The following TICRR variants were observed in gnomAD, a reference collection of about 807,000 sequenced individuals.
TICRR encodes the protein TOPBP1 interacting checkpoint and replication regulator.
A neutral mutation model predicts 178.1 loss-of-function variants in TICRR; 132 were observed. The observed-to-expected ratio is 0.74, with a 90% CI of 0.64 to 0.86. TICRR has a LOEUF of 0.86. Among genes scored for constraint, TICRR ranks in the 40% least tolerant of loss-of-function variants. The probability of loss-of-function intolerance (pLI) is 0.00; values close to 1 mark genes in which losing one functional copy is unlikely to be tolerated. For missense variants in TICRR, 2,587 were observed against 2,334.3 expected, an observed-to-expected ratio of 1.11 and a Z score of -2.23; for synonymous variants, 991 against 900.7, an observed-to-expected ratio of 1.10 and a Z score of -1.79.
chr15:89,617,326 T>C (rs1963350878), intron 16 of TICRR, among the ~76,000 whole-genome samples: 1 of 152,218 alleles, frequency 6.6e-6, no homozygotes, highest in East Asian at 1.9e-4. Flanking sequence ...CATATATATT[T>C]TTAATTAAAT....
chr15:89,586,748 A>T (rs1445205089), intron 4 of TICRR, among the ~76,000 whole-genome samples: 6 of 152,170 alleles, frequency 3.9e-5, no homozygotes, highest in Admixed American at 3.3e-4. Context: ...CAAGGCTCAG[A>T]AGGGTGTTAG....
rs748615904 is a variant in TICRR at position 89,624,092 on chromosome 15, C to G, written c.3782C>G (p.Pro1261Arg). 1 of 1,613,798 alleles carries G rather than the reference C, an allele frequency of 6.2e-7. No individual in the cohort carries two copies. Among genetic ancestry groups the G allele is most frequent in the East Asian group, 2.2e-5 (1 of 44,866 alleles). ...AGAGCAGCAGCCTTCATGGGCACGC[C>G]TCAGAATCAAACACACCAACAGCCC... ...PPRAAAFMGT[P>R]QNQTHQQPHV... is the part of the protein sequence containing the mutation. The change falls in exon 20 of 22, where the codon CCT (proline) becomes CGT (arginine). Residue 1261 changes from proline to arginine, a missense_variant. By Grantham distance (103) the Pro-to-Arg change is moderately radical. Transcript: ENST00000268138.
rs867683760 is a variant in TICRR at position 89,582,976 on chromosome 15, A to C, written c.934+11A>C. ...TTCTCCCTGTTGAAGGTAAGCAAATAATATTTTAAGGTTTTTTTTTTTTTA... is the reference window on the plus strand; with the variant it reads ...TTCTCCCTGTTGAAGGTAAGCAAATCATATTTTAAGGTTTTTTTTTTTTTA... On this transcript the variant is annotated intron_variant, in intron 2 of 21. Transcript: ENST00000268138. 13 of 1,584,298 alleles carry C rather than the reference A, an allele frequency of 8.2e-6. No individual in the cohort carries two copies. The highest frequency in any genetic ancestry group is 1.7e-4 in the Middle Eastern group (1 of 5,904).
intron 4 of TICRR, among the ~76,000 whole-genome samples, chr15:89,587,456 A>G (rs1202909462): frequency 3.3e-5 from 5 of 152,106 alleles, no homozygotes; most frequent in Non-Finnish European, 7.4e-5. Context: ...GGGAAAGAGA[A>G]GGGGACTAAG....
chr15:89,619,218 CTTCTTTT>C (rs1260099523), intron 17 of TICRR, among the ~76,000 whole-genome samples: 1 of 91,872 alleles, frequency 1.1e-5, no homozygotes, highest in African/African-American at 4.3e-5. Context: ...CTACACCATT[CTTCTTTT>C]TTTTTTTTTT....
chr15:89,618,507 C>G (rs1039343825), intron 17 of TICRR, among the ~76,000 whole-genome samples: 2 of 152,214 alleles, frequency 1.3e-5, no homozygotes, highest in East Asian at 3.8e-4. Context: ...TTTGTTGGAG[C>G]TTTTCACTAC....
chr15:89,625,623 T>C lies in TICRR; in HGVS notation c.5313T>C (p.Ser1771=). 1 of 1,613,310 alleles carries C rather than the reference T, an allele frequency of 6.2e-7. No homozygotes were observed. Among genetic ancestry groups the C allele is most frequent in the Non-Finnish European group, 8.5e-7 (1 of 1,179,998 alleles). Residue 1771 remains serine (S), a synonymous_variant, in exon 20 of 22, where the codon AGT becomes AGC. Transcript: ENST00000268138. ...CTTCCTGGGGACAGTTTGGGTTGAG[T>C]TCCAGGAAGAGAGTCCTGTTGGCCA... is the stretch of plus-strand genomic sequence containing the variant. ...EASSWGQFGL[S]SRKRVLLAKE...
chr15:89,601,217 A>G, intron 9 of TICRR, 81 bp from the exon 10 acceptor site: 1 of 1,242,490 alleles, frequency 8.0e-7, no homozygotes. Flanking sequence ...TGTCTTATAT[A>G]AATAGATCTA....
chr15:89,589,312 T>TG, intron 4 of TICRR, among the ~76,000 whole-genome samples: 2 of 152,170 alleles, frequency 1.3e-5, no homozygotes, highest in Middle Eastern at 6.8e-3. Context: ...CCTGTGAGTT[T>TG]GGGGGGTAAG....
At chr15:89,584,063 T>G (rs1962776623) in intron 2 of TICRR, among the ~76,000 whole-genome samples, 1 of 152,210 alleles carries the variant, frequency 6.6e-6, no homozygotes, top group Non-Finnish European at 1.5e-5. Context: ...GTAACTCCAT[T>G]TGTTTATAGC....
rs1962784802 is a variant in TICRR, at chr15:89,584,424, G to A, written c.1073G>A (p.Gly358Asp). 5 of 1,614,012 alleles carry A rather than the reference G, an allele frequency of 3.1e-6. No individual in the cohort carries two copies. The East Asian group carries it at 1.1e-4, about 36-fold the overall frequency. The change falls in exon 3 of 22, where the codon GGC (glycine) becomes GAC (aspartate). Residue 358 changes from glycine (G) to aspartate (D), a missense_variant. Transcript: ENST00000268138. Reference sequence around the variant, plus strand: ...TCTCTCCCAACGAGCAGCACTTTGGGCACTGACAGCTGGATGCTAGGAAGT... The same window carrying A: ...TCTCTCCCAACGAGCAGCACTTTGGACACTGACAGCTGGATGCTAGGAAGT... ...QWSLPTSSTL[G>D]TDSWMLGSPE...
In TICRR at chr15:89,606,950, A is replaced by G. The variant is rs1432188285; in HGVS notation, c.2722+125A>G. On this transcript the variant is annotated intron_variant, in intron 14 of 21. Coordinates refer to ENST00000268138, the MANE Select transcript of TICRR (RefSeq NM_152259.4). ...TTGTATGATTGTTGGCTAATAAAAT[A>G]TGTCCAAATACCATGGACATAGTCC... 4 of 700,828 alleles carry G rather than the reference A, an allele frequency of 5.7e-6. No homozygotes were observed. The East Asian group carries it at 1.1e-4, about 19-fold the overall frequency. 43.4% of individuals were successfully genotyped at this position (700,828 alleles called of 1,614,324 possible).
In TICRR at chr15:89,608,911, G is replaced by T. The variant is rs753276367; in HGVS notation, c.2831G>T (p.Gly944Val). Residue 944 changes from glycine (G) to valine (V), a missense_variant, in exon 15 of 22, where the codon GGT becomes GTT. By Grantham distance (109) the Gly-to-Val change is moderately radical (BLOSUM62 -3). Transcript: ENST00000268138. ...PRSHSVSAVDGLEDKLDNFKK... is the reference protein window; with the variant it reads ...PRSHSVSAVDVLEDKLDNFKK... ...AGCCATTCTGTGTCAGCTGTGGATG[G>T]TCTAGAGGATAAACTTGACAACTTC... 6.2e-7 allele frequency: 1 copy of T among 1,605,906 alleles called. No homozygotes were observed. Among genetic ancestry groups the T allele is most frequent in the Non-Finnish European group, 8.5e-7 (1 of 1,177,568 alleles).
chr15:89,598,728 G>A (rs142013977), intron 7 of TICRR, among the ~76,000 whole-genome samples: 199 of 152,240 alleles, frequency 1.3e-3, no homozygotes, highest in African/African-American at 4.4e-3. Flanking sequence ...TCACTTGGCT[G>A]GGCATGGTGG....
In TICRR at chr15:89,592,170, C is replaced by T. The variant is rs760985871; in HGVS notation, c.1535C>T (p.Ser512Leu). Reference sequence around the variant, plus strand: ...GGTGCCAGTTCCGATTTGATGGAGTCATTTGGGTAAAACGTTTTTATATCT... The same window carrying T: ...GGTGCCAGTTCCGATTTGATGGAGTTATTTGGGTAAAACGTTTTTATATCT... ...ISGASSDLME[S>L]FGLLQAASAN... is the part of the protein sequence containing the mutation. The change falls in exon 5 of 22, where the codon TCA becomes TTA. Residue 512 changes from serine to leucine, a missense_variant. Ser to Leu is a moderately radical substitution (Grantham distance 145). Coordinates refer to ENST00000268138, the MANE Select transcript of TICRR (RefSeq NM_152259.4). 2 of 1,610,754 alleles carry T rather than the reference C, an allele frequency of 1.2e-6. No individual in the cohort carries two copies. The highest frequency in any genetic ancestry group is 2.2e-5 in the South Asian group (2 of 90,772).
At position 89,623,921 on chromosome 15, in the gene TICRR, C is replaced by T. The variant is rs200774332; in HGVS notation, c.3611C>T (p.Pro1204Leu). The T allele has an allele frequency of 7.6e-5, 123 of 1,614,096 alleles. No individual in the cohort carries two copies. The South Asian group carries it at 1.2e-3, about 16-fold the overall frequency. ...RTPKRQGTQP[P>L]GFLPNCTWPH... ...CCTAAGAGGCAAGGTACTCAGCCGC[C>T]TGGGTTTTTGCCAAACTGTACTTGG... Residue 1204 changes from proline (P) to leucine (L), a missense_variant, in exon 20 of 22, where the codon CCT becomes CTT. By Grantham distance (98) the Pro-to-Leu change is moderately conservative. Transcript: ENST00000268138.
At chr15:89,593,022 T>C (rs1201926155) in intron 5 of TICRR, among the ~76,000 whole-genome samples, 1 of 152,280 alleles carries the variant, frequency 6.6e-6, no homozygotes, top group African/African-American at 2.4e-5. Flanking sequence ...TGTAGCTTTA[T>C]AGCACCAGTC....
intron 15 of TICRR, 80 bp from the exon 16 acceptor site, chr15:89,616,325 C>T: frequency 8.1e-7 from 1 of 1,230,400 alleles, no homozygotes; most frequent in Non-Finnish European, 1.2e-6. Flanking sequence ...TACAGAAGTT[C>T]AAACTGCTCC....
intron 1 of TICRR, 136 bp from the exon 2 acceptor site, chr15:89,582,536 CATTATTTCTATTTA>C (rs1455777981): frequency 1.4e-6 from 1 of 707,910 alleles, no homozygotes; most frequent in Non-Finnish European, 2.3e-6. Context: ...TGATGCTGAC[CATTATTTCTATTTA>C]GCTCAGCAAA....
Sources: gnomAD v4.1 joint callset for allele counts (sites outside exome capture counted in the v4.1 genomes callset) on GRCh38, gnomAD v4.1.1 for gene constraint, MANE v1.5 for transcripts, NCBI Gene and HGNC (gene_info 2026-07-23, HGNC 2026-07-21) for gene names.